Variants in NSD2 observed in about 807,000 individuals in gnomAD.
NSD2 encodes nuclear receptor binding SET domain protein 2, also known as histone-lysine N-methyltransferase NSD2.
In NSD2, 12 loss-of-function variants were observed where a neutral mutation model predicts 139.0. The observed-to-expected ratio is 0.09, with a 90% CI of 0.06 to 0.14. The LOEUF (loss-of-function observed/expected upper bound fraction) is 0.14, where lower values mean the gene tolerates loss of function less well. Among genes scored for constraint, NSD2 ranks in the 10% least tolerant of loss-of-function variants. The probability of loss-of-function intolerance (pLI) is 1.00; values close to 1 mark genes in which losing one functional copy is unlikely to be tolerated. For synonymous variants in NSD2, 669 were observed against 648.7 expected, an observed-to-expected ratio of 1.03 and a Z score of -0.48; for missense variants, 1,155 against 1,745.0, an observed-to-expected ratio of 0.66 and a Z score of 6.02.
intron 9 of NSD2, chr4:1,946,524 C>T (rs977157547): frequency 1.5e-5 from 15 of 996,624 alleles, no homozygotes; most frequent in Non-Finnish European, 1.8e-5. Context: ...CCGCCTCACC[C>T]TCCCAAAATG....
At chr4:1,905,562 A>G (rs1303577765) in intron 3 of NSD2, among the ~76,000 whole-genome samples, 1 of 152,240 alleles carries the variant, frequency 6.6e-6, no homozygotes, top group Non-Finnish European at 1.5e-5. Flanking sequence ...GCATGGCCAA[A>G]ACAGGCTTGT....
At chr4:1,952,030 A>G in intron 10 of NSD2, 78 bp from the exon 11 acceptor site, 1 of 1,547,826 alleles carries the variant, frequency 6.5e-7, no homozygotes, top group Non-Finnish European at 8.7e-7. Flanking sequence ...TGGAGACAGA[A>G]GCAGACGGCT....
At chr4:1,885,709 C>T (rs563318589) in intron 1 of NSD2, among the ~76,000 whole-genome samples, 2 of 152,122 alleles carry the variant, frequency 1.3e-5, no homozygotes, top group East Asian at 3.9e-4. Flanking sequence ...CTGTTACTGC[C>T]TCTCTTGGTA....
At chr4:1,895,876 G>A (rs1378015551) in intron 1 of NSD2, among the ~76,000 whole-genome samples, 1 of 152,250 alleles carries the variant, frequency 6.6e-6, no homozygotes, top group East Asian at 1.9e-4. Context: ...CCTCTGGTGG[G>A]TGTTTGCTGA....
At chr4:1,905,605 A>G (rs1283257143) in intron 3 of NSD2, among the ~76,000 whole-genome samples, 1 of 152,204 alleles carries the variant, frequency 6.6e-6, no homozygotes, top group Non-Finnish European at 1.5e-5. Context: ...GCTGCTAGGA[A>G]TGGGGTACAG....
In NSD2 at chr4:1,974,538, G is replaced by C. The variant is rs977949661; in HGVS notation, c.3373-325G>C. 5 of 452,612 alleles carry C rather than the reference G, an allele frequency of 1.1e-5. No individual in the cohort carries two copies. The Admixed American group carries it at 1.3e-4, about 12-fold the overall frequency. 28.0% of individuals were successfully genotyped at this position (452,612 alleles called of 1,614,324 possible). Reference sequence around the variant, plus strand: ...CAGGGTGAGTCTTGTTCTTGTCCTTGAGTGCCACTTGGCTAGGCTGTTGCT... The same window carrying C: ...CAGGGTGAGTCTTGTTCTTGTCCTTCAGTGCCACTTGGCTAGGCTGTTGCT... On this transcript the variant is annotated intron_variant, in intron 18 of 21. Transcript: ENST00000508803. This position sits in a 1 kb window ranked among gnomAD's most constrained non-coding sequence, Gnocchi z 4.0.
Position 1,948,745 on chromosome 4 carries a change from A to G in NSD2, c.1882-2327A>G. ...TCCTCAAAACAGACTTTGTTAATGT[A>G]GGAAATCTCTCCAAGTGGAAACGTG... On this transcript the variant is annotated intron_variant, in intron 9 of 21. Coordinates refer to ENST00000508803, the MANE Select transcript of NSD2 (RefSeq NM_001042424.3). This position sits in a 1 kb window ranked among gnomAD's most constrained non-coding sequence, Gnocchi z 4.5. 1 of 1,048,942 alleles carries G rather than the reference A, an allele frequency of 9.5e-7. No homozygotes were observed. Among genetic ancestry groups the G allele is most frequent in the Non-Finnish European group, 1.2e-6 (1 of 868,012 alleles). The allele number at this position is 1,048,942 out of a possible 1,614,324, so 65.0% of individuals were successfully genotyped here.
At chr4:1,893,479 T>A (rs1249691321) in intron 1 of NSD2, among the ~76,000 whole-genome samples, 2 of 151,840 alleles carry the variant, frequency 1.3e-5, no homozygotes, top group African/African-American at 2.4e-5. Context: ...AATAAAAAAA[T>A]AAATAAATAA....
intron 1 of NSD2, among the ~76,000 whole-genome samples, chr4:1,876,018 A>G (rs1458728600): frequency 6.6e-6 from 1 of 151,632 alleles, no homozygotes; most frequent in Non-Finnish European, 1.5e-5. Context: ...GATTGAGACC[A>G]TCCTGGCTAA....
At chr4:1,913,593 C>T (rs932264477) in intron 3 of NSD2, among the ~76,000 whole-genome samples, 6 of 152,194 alleles carry the variant, frequency 3.9e-5, no homozygotes, top group Non-Finnish European at 5.9e-5. Flanking sequence ...ATAATGTAAG[C>T]TGTCCCCTCT....
intron 11 of NSD2, chr4:1,952,626 A>G (rs940548866): frequency 5.9e-6 from 5 of 850,616 alleles, no homozygotes; most frequent in African/African-American, 5.4e-5. Flanking sequence ...ACTGAAGTCC[A>G]TAGGAACATG....
chr4:1,886,316 C>T (rs959462229), intron 1 of NSD2, among the ~76,000 whole-genome samples: 5 of 152,180 alleles, frequency 3.3e-5, no homozygotes, highest in Non-Finnish European at 7.3e-5. Flanking sequence ...AGGCAATTCT[C>T]GTGCCTCAGT....
At chr4:1,888,645 G>A (rs1715299361) in intron 1 of NSD2, among the ~76,000 whole-genome samples, 1 of 151,812 alleles carries the variant, frequency 6.6e-6, no homozygotes, top group African/African-American at 2.4e-5. Context: ...GCTTACTGCG[G>A]CCTCCACCTC....
intron 2 of NSD2, among the ~76,000 whole-genome samples, chr4:1,903,416 C>T (rs1459544050): frequency 6.6e-6 from 1 of 152,182 alleles, no homozygotes; most frequent in African/African-American, 2.4e-5. Flanking sequence ...GCCCCAAGGA[C>T]TCAAATTACA....
chr4:1,930,830 T>C, intron 6 of NSD2, 60 bp downstream of exon 6: 1 of 1,535,812 alleles, frequency 6.5e-7, no homozygotes, highest in Admixed American at 1.9e-5. Flanking sequence ...TGTAGCAAGC[T>C]GAGCTCTGAT....
intron 5 of NSD2, among the ~76,000 whole-genome samples, chr4:1,925,560 G>A (rs11943579): frequency 0.014 from 2,085 of 150,562 alleles, 42 homozygotes; most frequent in African/African-American, 0.048. Context: ...CACCACATCC[G>A]GCTAATTTTT....
intron 7 of NSD2, among the ~76,000 whole-genome samples, chr4:1,935,934 T>C (rs1427297708): frequency 6.6e-6 from 1 of 152,144 alleles, no homozygotes; most frequent in Admixed American, 6.5e-5. Context: ...ATGTAAGTAA[T>C]GAACTGGCAT....
chr4:1,970,848 C>A (rs547045436), intron 18 of NSD2, among the ~76,000 whole-genome samples: 1 of 152,282 alleles, frequency 6.6e-6, no homozygotes, highest in Non-Finnish European at 1.5e-5. Context: ...AGGACGGAGT[C>A]CCCAACAGCA....
At chr4:1,871,650 C>T (rs1334513851) in intron 1 of NSD2, 108 bp downstream of exon 1, 1 of 148,978 alleles carries the variant, frequency 6.7e-6, no homozygotes, top group Non-Finnish European at 1.5e-5. Flanking sequence ...CCGCGGAGGC[C>T]TGAGGGGGCG....
Sources: allele counts gnomAD v4.1 joint callset (sites outside exome capture counted in the v4.1 genomes callset), GRCh38; gene constraint gnomAD v4.1.1; non-coding constraint Gnocchi (gnomAD v3.1); transcripts MANE v1.5; gene names NCBI Gene and HGNC (gene_info 2026-07-23, HGNC 2026-07-21).